CHADL: variants seen among roughly 807,000 people sequenced by gnomAD.
CHADL encodes the protein chondroadherin-like protein.
A neutral mutation model predicts 52.1 loss-of-function variants in CHADL; 48 were observed. The ratio of observed to expected loss-of-function variants is 0.92; its 90% CI spans 0.73 to 1.17. The LOEUF is 1.17. CHADL is among the 50% of genes most tolerant of loss of function. The pLI, the probability that CHADL is intolerant of heterozygous loss-of-function variation, is 0.00. For missense variants in CHADL, 977 were observed against 1,035.1 expected (o/e 0.94, Z 0.77); for synonymous variants, 498 against 511.2 (o/e 0.97, Z 0.35).
chr22:41,234,964 C>G (rs1307041230), intron 5 of CHADL, among the ~76,000 whole-genome samples, 181 bp downstream of exon 5: 1 of 152,238 alleles, frequency 6.6e-6, no homozygotes, highest in Non-Finnish European at 1.5e-5. Flanking sequence ...GCTGGGATTA[C>G]AGGCGTGAGC....
rs1172016730 is a variant in CHADL, at chr22:41,238,654, C to G, written c.418G>C (p.Glu140Gln). 1.3e-6 allele frequency: 2 copies of G among 1,544,040 alleles called. No individual in the cohort carries two copies. Among genetic ancestry groups the G allele is most frequent in the East Asian group, 4.9e-5 (2 of 40,850 alleles). Residue 140 changes from glutamate (E) to glutamine (Q), a missense_variant, in exon 3 of 6, where the codon GAG becomes CAG. Glu to Gln is a conservative substitution (Grantham distance 29). Transcript: ENST00000216241. This position sits in a 1 kb window ranked among gnomAD's most constrained non-coding sequence, Gnocchi z 4.9. ...LDGLGSLRRL[E>Q]LEGNALEELR... ...TCCTCCAGTGCGTTCCCCTCCAGCT[C>G]CAGCCGCCGCAACGAGCCCAGCCCG...
intron 5 of CHADL, 128 bp downstream of exon 5, chr22:41,235,017 C>A: frequency 1.0e-6 from 1 of 962,668 alleles, no homozygotes; most frequent in Non-Finnish European, 1.6e-6. Context: ...ACTGACGCAA[C>A]TGGGTCATTG....
intron 5 of CHADL, 48 bp downstream of exon 5, chr22:41,235,097 C>T (rs1396514856): frequency 1.3e-6 from 2 of 1,535,926 alleles, no homozygotes; most frequent in Non-Finnish European, 8.8e-7. Context: ...ACTTTGGAAC[C>T]TGGCCCACCA....
chr22:41,231,750 C>G (rs1179605257), intron 5 of CHADL, among the ~76,000 whole-genome samples: 1 of 152,156 alleles, frequency 6.6e-6, no homozygotes, highest in Non-Finnish European at 1.5e-5. Context: ...ATTTGCAAAC[C>G]CCTCATCCCT....
intron 5 of CHADL, chr22:41,231,094 G>A (rs755897385): frequency 2.0e-5 from 3 of 152,202 alleles, no homozygotes; most frequent in East Asian, 1.9e-4. Flanking sequence ...AGCTGGGCTT[G>A]TATGTTCTTT....
chr22:41,229,744 A>T lies in CHADL; in HGVS notation c.2263-14T>A, dbSNP rs974976283. 5.0e-6 allele frequency: 8 copies of T among 1,606,912 alleles called. No individual in the cohort carries two copies. Among genetic ancestry groups the T allele is most frequent in the Non-Finnish European group, 6.8e-6 (8 of 1,177,202 alleles). Reference sequence around the variant, plus strand: ...CTCCTTCCCCACCTGGGCACAGAAGAGTAGAGTCAGGTTTCTTTGGCATTT... The same window carrying T: ...CTCCTTCCCCACCTGGGCACAGAAGTGTAGAGTCAGGTTTCTTTGGCATTT... On this transcript the variant is annotated splice_polypyrimidine_tract_variant and intron_variant, in intron 5 of 5. Transcript: ENST00000216241.
rs1204109157 is a variant in CHADL at position 41,238,192 on chromosome 22, G to A, written c.880C>T (p.Pro294Ser). Residue 294 changes from proline to serine, a missense_variant, in exon 3 of 6, where the codon CCC (proline) becomes TCC (serine). Coordinates refer to ENST00000216241, the MANE Select transcript of CHADL (RefSeq NM_138481.2). This position sits in a 1 kb window ranked among gnomAD's most constrained non-coding sequence, Gnocchi z 4.9. ...AGCTGGCCCGGGCCCTGCAGCGGGG[G>A]CAGGGTGTCTAGCTGGTTCCCGCGG... ...DLRGNQLDTL[P>S]PLQGPGQLRR... The A allele has an allele frequency of 4.6e-6, 7 of 1,513,858 alleles. No individual in the cohort carries two copies. The South Asian group carries it at 6.1e-5, about 13-fold the overall frequency. 93.8% of individuals were successfully genotyped at this position (1,513,858 alleles called of 1,614,324 possible).
intron 4 of CHADL, 74 bp from the exon 5 acceptor site, chr22:41,235,417 G>GT: frequency 8.1e-7 from 1 of 1,240,218 alleles, no homozygotes; most frequent in Non-Finnish European, 1.1e-6. Context: ...TGGGCACTGG[G>GT]TGTGGGGCAG....
intron 2 of CHADL, among the ~76,000 whole-genome samples, chr22:41,239,166 C>G (rs2032815668): frequency 6.6e-6 from 1 of 152,250 alleles, no homozygotes; most frequent in Non-Finnish European, 1.5e-5. Context: ...CACAGCCCGC[C>G]TCTCCACCAC....
At chr22:41,237,083 C>G (rs899518963) in intron 3 of CHADL, 93 bp downstream of exon 3, 2 of 1,335,144 alleles carry the variant, frequency 1.5e-6, no homozygotes, top group Non-Finnish European at 2.0e-6. Flanking sequence ...GACCTGGCAC[C>G]AAGGGGCTGG....
Position 41,239,633 on chromosome 22 carries a change from G to A in CHADL, c.9-13C>T. On this transcript the variant is annotated splice_polypyrimidine_tract_variant and intron_variant, in intron 1 of 5. Coordinates refer to ENST00000216241, the MANE Select transcript of CHADL (RefSeq NM_138481.2). ...GGAGCTCCGGGGCCTGGGACGGGGA[G>A]GGAGAGTCTGTTGTGCACAAGGGCC... The A allele has an allele frequency of 6.6e-7, 1 of 1,519,724 alleles. No individual in the cohort carries two copies. 94.1% of individuals were successfully genotyped at this position (1,519,724 alleles called of 1,614,324 possible). A position where few individuals can be genotyped will look rare whatever the true frequency, so the allele number is the denominator to read the frequency against.
intron 5 of CHADL, among the ~76,000 whole-genome samples, chr22:41,232,331 C>CAAA (rs58285002): frequency 7.5e-6 from 1 of 133,660 alleles, no homozygotes; most frequent in Non-Finnish European, 1.6e-5. Context: ...GACTCTGTCT[C>CAAA]AAAAAAAAAA....
intron 5 of CHADL, among the ~76,000 whole-genome samples, chr22:41,232,107 C>A (rs906212314): frequency 6.6e-6 from 1 of 151,718 alleles, no homozygotes; most frequent in African/African-American, 2.4e-5. Flanking sequence ...CCACGGCGGG[C>A]GGATCACAAG....
intron 5 of CHADL, chr22:41,230,246 G>A (rs1327223216): frequency 5.6e-6 from 9 of 1,613,074 alleles, no homozygotes; most frequent in African/African-American, 1.3e-5. Flanking sequence ...GGAAACAGAC[G>A]ACTGAGCCTT....
intron 2 of CHADL, among the ~76,000 whole-genome samples, chr22:41,239,172 A>G (rs923380237): frequency 6.6e-6 from 1 of 152,140 alleles, no homozygotes; most frequent in Admixed American, 6.5e-5. Flanking sequence ...CCGCCTCTCC[A>G]CCACAGGGTC....
In CHADL at chr22:41,236,597, C is replaced by A; in HGVS notation, c.1950G>T (p.Leu650=). 1 of 1,551,026 alleles carries A rather than the reference C, an allele frequency of 6.4e-7. No homozygotes were observed. The highest frequency in any genetic ancestry group is 8.7e-7 in the Non-Finnish European group (1 of 1,146,966). Residue 650 remains leucine (L), a synonymous_variant, in exon 4 of 6, where the codon CTG becomes CTT. Coordinates refer to ENST00000216241, the MANE Select transcript of CHADL (RefSeq NM_138481.2). ...GCAGGGCCCGAAGCTGGTTCTTCTG[C>A]AGGTGCAGGCTCTGGAGCCCGGGCC... ...GLGPGLQSLH[L]QKNQLRALPA...
chr22:41,230,520 C>T, intron 5 of CHADL: 1 of 456,444 alleles, frequency 2.2e-6, no homozygotes, highest in Non-Finnish European at 3.9e-6. Flanking sequence ...GCCAGAGTTC[C>T]CAAAGCTGGA....
chr22:41,230,454 GTCTA>G, intron 5 of CHADL: 1 of 556,712 alleles, frequency 1.8e-6, no homozygotes, highest in Non-Finnish European at 3.2e-6. Flanking sequence ...CTGTGGAAAG[GTCTA>G]TATGACGGGC....
In CHADL at chr22:41,238,625, C is replaced by T. The variant is rs1318357199; in HGVS notation, c.447G>A (p.Leu149=). The T allele has an allele frequency of 1.9e-6, 3 of 1,544,306 alleles. No individual in the cohort carries two copies. Among genetic ancestry groups the T allele is most frequent in the African/African-American group, 2.7e-5 (2 of 73,010 alleles). ...CCAGTGCCCCGAACGTCCCCGGCCG[C>T]AGCTCCTCCAGTGCGTTCCCCTCCA... ...LELEGNALEE[L]RPGTFGALGA... Residue 149 remains leucine (L), a synonymous_variant, in exon 3 of 6, where the codon CTG becomes CTA. Coordinates refer to ENST00000216241, the MANE Select transcript of CHADL (RefSeq NM_138481.2). This position sits in a 1 kb window ranked among gnomAD's most constrained non-coding sequence, Gnocchi z 4.9.
Sources: allele counts gnomAD v4.1 joint callset (sites outside exome capture counted in the v4.1 genomes callset), GRCh38; gene constraint gnomAD v4.1.1; non-coding constraint Gnocchi (gnomAD v3.1); transcripts MANE v1.5; gene names NCBI Gene and HGNC (gene_info 2026-07-23, HGNC 2026-07-21).